The following OGA variants were observed in gnomAD, a reference collection of about 807,000 sequenced individuals.
OGA encodes protein O-GlcNAcase.
Under a neutral mutation model 102.0 loss-of-function variants are expected in OGA, and 21 were observed. The observed-to-expected ratio is 0.21, with a 90% confidence interval of 0.15 to 0.30. The LOEUF is 0.30. Among genes scored for constraint, OGA ranks in the 10% least tolerant of loss-of-function variants. The pLI is 1.00. For synonymous variants in OGA, 408 were observed against 378.2 expected (o/e 1.08, Z -0.91); for missense variants, 765 against 1,107.8 (o/e 0.69, Z 4.39).
At chr10:101,812,726 C>A in intron 3 of OGA, 1 of 442,482 alleles carries the variant, frequency 2.3e-6, no homozygotes, top group Non-Finnish European at 4.3e-6. Flanking sequence ...CCTAGCCCAG[C>A]TCCAGCACTT....
In OGA at chr10:101,787,536, G is replaced by C. The variant is rs2065204330; in HGVS notation, c.2455-13C>G. 1 of 1,600,194 alleles carries C rather than the reference G, an allele frequency of 6.2e-7. No homozygotes were observed. Among genetic ancestry groups the C allele is most frequent in the Non-Finnish European group, 8.6e-7 (1 of 1,168,970 alleles). ...TCAACATTATTTTCTGGAAAAATTA[G>C]AATCTCTTGACTTTCACAATAGTTA... is the stretch of plus-strand genomic sequence containing the variant. On this transcript the variant is annotated splice_polypyrimidine_tract_variant and intron_variant, in intron 14 of 15. Transcript: ENST00000361464.
chr10:101,811,406 G>GAAAAAAAAAAAAAAAAAAAAAAAAAA (rs67433227), intron 3 of OGA, among the ~76,000 whole-genome samples: 1 of 45,704 alleles, frequency 2.2e-5, no homozygotes, highest in Non-Finnish European at 3.7e-5. Flanking sequence ...GAAAAAAAAT[G>GAAAAAAAAAAAAAAAAAAAAAAAAAA]AAAAAAAAAA....
intron 4 of OGA, among the ~76,000 whole-genome samples, chr10:101,808,635 G>A (rs2065507162): frequency 2.0e-5 from 3 of 152,068 alleles, no homozygotes; most frequent in Admixed American, 2.0e-4. Flanking sequence ...TTTGCCTAAA[G>A]AAATAAGACA....
At position 101,790,887 on chromosome 10, in the gene OGA, T is replaced by G. The variant is rs1354586295; in HGVS notation, c.2454+9A>C. On this transcript the variant is annotated intron_variant, in intron 14 of 15. Coordinates refer to ENST00000361464, the MANE Select transcript of OGA (RefSeq NM_012215.5). ...ATTACCATAGTATAATTCTTAACCT[T>G]TGTATTACCTCAGCCTCAGAGAGTT... is the stretch of plus-strand genomic sequence containing the variant. The G allele has an allele frequency of 6.4e-7, 1 of 1,568,678 alleles. No homozygotes were observed. The highest frequency in any genetic ancestry group is 8.7e-7 in the Non-Finnish European group (1 of 1,148,088).
intron 1 of OGA, among the ~76,000 whole-genome samples, chr10:101,816,212 G>T (rs1290234917): frequency 2.0e-5 from 3 of 152,098 alleles, no homozygotes; most frequent in African/African-American, 7.2e-5. Context: ...GCAGTGAGCC[G>T]CGATCACGCC....
At chr10:101,795,380 G>A (rs183071956) in intron 10 of OGA, among the ~76,000 whole-genome samples, 1 of 152,340 alleles carries the variant, frequency 6.6e-6, no homozygotes, top group African/African-American at 2.4e-5. Context: ...CTACCTCACA[G>A]ATAGAACCTT....
chr10:101,790,051 T>C (rs2065239005), intron 14 of OGA, among the ~76,000 whole-genome samples: 1 of 152,020 alleles, frequency 6.6e-6, no homozygotes, highest in Admixed American at 6.6e-5. Context: ...GCATAAAACT[T>C]TTTTGGAGAT....
chr10:101,817,698 A>T, intron 1 of OGA, 126 bp downstream of exon 1: 1 of 1,081,236 alleles, frequency 9.2e-7, no homozygotes, highest in Non-Finnish European at 1.3e-6. Flanking sequence ...CCCTCGCTTT[A>T]GGAGGGCCAC....
intron 6 of OGA, among the ~76,000 whole-genome samples, chr10:101,805,345 A>C (rs1440956142): frequency 6.6e-6 from 1 of 152,162 alleles, no homozygotes; most frequent in Non-Finnish European, 1.5e-5. Context: ...AACTTTGTAA[A>C]AGAAAGCGTA....
intron 9 of OGA, among the ~76,000 whole-genome samples, chr10:101,798,599 A>G (rs544599196): frequency 6.6e-6 from 1 of 152,164 alleles, no homozygotes; most frequent in African/African-American, 2.4e-5. Context: ...TTTTTAGTAC[A>G]GATGGGGTTT....
At chr10:101,812,751 C>T (rs1044827646) in intron 3 of OGA, 4 of 510,106 alleles carry the variant, frequency 7.8e-6, no homozygotes, top group African/African-American at 1.9e-5. Context: ...GCCCAGTGGC[C>T]CACTGTTTAA....
chr10:101,787,281 ACTT>A (rs2065202282), intron 15 of OGA, 80 bp downstream of exon 15: 1 of 1,359,520 alleles, frequency 7.4e-7, no homozygotes, highest in Non-Finnish European at 1.0e-6. Context: ...TTTACAATTC[ACTT>A]CTTTCCTTTT....
chr10:101,786,493 T>C lies in OGA; in HGVS notation c.2709A>G (p.Glu903=), dbSNP rs2065191286. The change falls in exon 16 of 16, where the codon GAA becomes GAG. Residue 903 remains glutamate (E), a synonymous_variant. Transcript: ENST00000361464. The part of the protein sequence containing the change: ...KLGCFEIAKM[E]GFPKDVVILG... ...GTATAACCACATCCTTTGGAAATCC[T>C]TCCATTTTTGCAATTTCAAAACATC... 1.9e-6 allele frequency: 3 copies of C among 1,612,430 alleles called. No individual in the cohort carries two copies. Among genetic ancestry groups the C allele is most frequent in the Non-Finnish European group, 2.5e-6 (3 of 1,179,366 alleles).
chr10:101,802,504 T>C (rs1182167030), intron 7 of OGA, among the ~76,000 whole-genome samples: 1 of 151,972 alleles, frequency 6.6e-6, no homozygotes, highest in Non-Finnish European at 1.5e-5. Context: ...ACCCCGTCTC[T>C]ACTAAAAATA....
At chr10:101,795,094 T>A in intron 10 of OGA, among the ~76,000 whole-genome samples, 1 of 152,176 alleles carries the variant, frequency 6.6e-6, no homozygotes, top group East Asian at 1.9e-4. Flanking sequence ...AAAATAAATA[T>A]GAAACAGGGT....
chr10:101,810,475 A>C (rs2065539825), intron 3 of OGA, among the ~76,000 whole-genome samples, 161 bp from the exon 4 acceptor site: 1 of 152,256 alleles, frequency 6.6e-6, no homozygotes, highest in African/African-American at 2.4e-5. Flanking sequence ...GGCCATACAA[A>C]ATGGTACAAG....
At chr10:101,812,969 T>A (rs1438472197) in intron 3 of OGA, 61 bp downstream of exon 3, 1 of 1,270,372 alleles carries the variant, frequency 7.9e-7, no homozygotes, top group African/African-American at 1.5e-5. Context: ...TACAACTACA[T>A]TTAAAATATA....
Position 101,786,517 on chromosome 10 carries a change from T to A in OGA, c.2685A>T (p.Gly895=), listed in dbSNP as rs761862670. The change falls in exon 16 of 16, where the codon GGA becomes GGT. Residue 895 remains glycine, a synonymous_variant. Transcript: ENST00000361464. The part of the protein sequence containing the change: ...KRILEFYSKL[G]CFEIAKMEGF... ...CTTCCATTTTTGCAATTTCAAAACATCCTAACTTGCTGTAAAATTCCAGAA... is the reference window on the plus strand; with the variant it reads ...CTTCCATTTTTGCAATTTCAAAACAACCTAACTTGCTGTAAAATTCCAGAA... 47 of 1,612,610 alleles carry A rather than the reference T, an allele frequency of 2.9e-5. 1 individual carries two copies. In the South Asian group the frequency reaches 5.2e-4, roughly 18 times the overall value.
intron 14 of OGA, among the ~76,000 whole-genome samples, chr10:101,790,043 A>G (rs183321128): frequency 3.5e-4 from 53 of 152,334 alleles, no homozygotes; most frequent in African/African-American, 1.3e-3. Context: ...AACATGGGGC[A>G]TAAAACTTTT....
Sources: gnomAD v4.1 joint callset for allele counts (sites outside exome capture counted in the v4.1 genomes callset) on GRCh38, gnomAD v4.1.1 for gene constraint, MANE v1.5 for transcripts, NCBI Gene and HGNC (gene_info 2026-07-23, HGNC 2026-07-21) for gene names.